BLTP1: variants seen among roughly 807,000 people sequenced by gnomAD.
BLTP1 encodes bridge-like lipid transfer protein family member 1.
chr4:122,229,680 C>G, the BLTP1 span: 1 of 951,286 alleles, frequency 1.1e-6, no homozygotes, highest in Admixed American at 6.2e-5. Context: ...CTCTTGTTCG[C>G]CTGTGGATTT....
At chr4:122,328,155 T>A in the BLTP1 span, 1 of 1,610,582 alleles carries the variant, frequency 6.2e-7, no homozygotes, top group South Asian at 1.1e-5. Context: ...TGAAGGTCCA[T>A]CCCATTATTC....
chr4:122,193,780 A>G, the BLTP1 span: 3 of 299,408 alleles, frequency 1.0e-5, no homozygotes, highest in Non-Finnish European at 1.5e-5. Flanking sequence ...TGCTGATACT[A>G]ACTTGATGTA....
chr4:122,339,101 T>TA, the BLTP1 span: 561 of 1,306,174 alleles, frequency 4.3e-4, 3 homozygotes, highest in African/African-American at 5.8e-3. Context: ...TCTTTCTGTT[T>TA]AAAAAAAATG....
At chr4:122,304,790 T>C in the BLTP1 span, 2 of 1,611,818 alleles carry the variant, frequency 1.2e-6, no homozygotes, top group South Asian at 2.2e-5. Context: ...TAACATATAA[T>C]CTGCTAGGGT....
At chr4:122,343,446 G>T in the BLTP1 span, 3 of 1,613,834 alleles carry the variant, frequency 1.9e-6, no homozygotes, top group Non-Finnish European at 2.5e-6. Context: ...GGCCGAAGTC[G>T]ACATAGTAGT....
chr4:122,193,146 A>T, the BLTP1 span, among the ~76,000 whole-genome samples: 1 of 152,142 alleles, frequency 6.6e-6, no homozygotes, highest in Non-Finnish European at 1.5e-5. Flanking sequence ...ACTTCATTTT[A>T]ACTTAATTAC....
the BLTP1 span, chr4:122,199,516 A>T: frequency 7.3e-7 from 1 of 1,376,050 alleles, no homozygotes; most frequent in East Asian, 2.4e-5. Flanking sequence ...ATTTTCTTAT[A>T]TTAAGTTTAA....
chr4:122,228,700 T>TTGTG, the BLTP1 span, among the ~76,000 whole-genome samples: 4 of 151,162 alleles, frequency 2.6e-5, no homozygotes, highest in African/African-American at 4.9e-5. Context: ...CTTAGTGAAT[T>TTGTG]TGTGTGTGTG....
the BLTP1 span, chr4:122,179,972 C>A: frequency 1.0e-6 from 1 of 984,428 alleles, no homozygotes; most frequent in South Asian, 4.7e-5. Flanking sequence ...AGTATCCCTC[C>A]AAAAGACAGG....
the BLTP1 span, among the ~76,000 whole-genome samples, chr4:122,335,382 C>T: frequency 1.1e-4 from 16 of 152,184 alleles, no homozygotes; most frequent in South Asian, 3.1e-3. Flanking sequence ...CATTGAATGT[C>T]ATCTTGGAAT....
At chr4:122,281,910 T>A in the BLTP1 span, 1 of 1,301,706 alleles carries the variant, frequency 7.7e-7, no homozygotes, top group Non-Finnish European at 9.8e-7. Context: ...AGTTCATTAA[T>A]GATGTTCTCT....
the BLTP1 span, among the ~76,000 whole-genome samples, chr4:122,326,792 A>G: frequency 1.6e-4 from 25 of 151,896 alleles, no homozygotes; most frequent in Non-Finnish European, 2.4e-4. Flanking sequence ...TAATTAAAGC[A>G]TGGTTAAATA....
chr4:122,199,235 A>T, the BLTP1 span: 2 of 1,367,186 alleles, frequency 1.5e-6, no homozygotes, highest in Non-Finnish European at 2.0e-6. Flanking sequence ...AGGTGTGTTT[A>T]AATAGTGACT....
chr4:122,239,355 A>T, the BLTP1 span: 2 of 263,276 alleles, frequency 7.6e-6, no homozygotes, highest in Non-Finnish European at 1.2e-5. Flanking sequence ...CACATATTGT[A>T]CTGTTTTGCT....
chr4:122,183,629 C>A, the BLTP1 span: 2 of 471,430 alleles, frequency 4.2e-6, no homozygotes, highest in Non-Finnish European at 5.6e-6. Flanking sequence ...TTTGCTTTGA[C>A]TCTACAAGTT....
the BLTP1 span, chr4:122,177,914 C>T: frequency 2.8e-4 from 44 of 154,388 alleles, no homozygotes; most frequent in African/African-American, 9.1e-4. Flanking sequence ...TTTATACTTG[C>T]TTATTAGTGG....
chr4:122,299,957 C>A, the BLTP1 span: 1 of 978,868 alleles, frequency 1.0e-6, no homozygotes, highest in South Asian at 4.9e-5. Context: ...TGTACAAAGA[C>A]ACATATAATC....
At chr4:122,220,848 C>T in the BLTP1 span, among the ~76,000 whole-genome samples, 2 of 151,950 alleles carry the variant, frequency 1.3e-5, no homozygotes, top group Non-Finnish European at 1.5e-5. Context: ...TATTTTAAAA[C>T]GTGTGTATCT....
the BLTP1 span, among the ~76,000 whole-genome samples, chr4:122,253,970 T>G: frequency 6.6e-6 from 1 of 152,162 alleles, no homozygotes; most frequent in Non-Finnish European, 1.5e-5. Context: ...AGTGGAATCT[T>G]TACAGGCCAG....
Sources: allele counts gnomAD v4.1 joint callset (sites outside exome capture counted in the v4.1 genomes callset), GRCh38; gene constraint gnomAD v4.1.1; transcripts MANE v1.5; gene names NCBI Gene and HGNC (gene_info 2026-07-23, HGNC 2026-07-21).